The following ELOVL2 variants were observed in gnomAD, a reference collection of about 807,000 sequenced individuals.
ELOVL2 encodes ELOVL fatty acid elongase 2, also known as very long chain fatty acid elongase 2.
A neutral mutation model predicts 37.7 loss-of-function variants in ELOVL2; 38 were observed. The observed-to-expected ratio is 1.01, with a 90% CI of 0.78 to 1.32. ELOVL2 has a LOEUF of 1.32. ELOVL2 is among the 40% of genes most tolerant of loss of function. ELOVL2 has a pLI of 0.00. For missense variants in ELOVL2, 352 were observed against 363.6 expected (o/e 0.97, Z 0.26); for synonymous variants, 115 against 122.3 (o/e 0.94, Z 0.40).
chr6:10,994,038 C>T (rs1270661611), intron 5 of ELOVL2, among the ~76,000 whole-genome samples: 3 of 148,452 alleles, frequency 2.0e-5, no homozygotes, highest in Non-Finnish European at 4.5e-5. Flanking sequence ...AATAGCTGGG[C>T]ATGGTGGTAT....
intron 5 of ELOVL2, among the ~76,000 whole-genome samples, chr6:10,994,462 C>CCAT (rs1782226720): frequency 8.8e-6 from 1 of 113,942 alleles, no homozygotes; most frequent in African/African-American, 3.4e-5. Context: ...GAGTGAAATT[C>CCAT]CATCTCAAAA....
intron 1 of ELOVL2, among the ~76,000 whole-genome samples, chr6:11,013,436 G>A (rs1441840094): frequency 6.6e-6 from 1 of 152,208 alleles, no homozygotes; most frequent in African/African-American, 2.4e-5. Context: ...CACTAGACTA[G>A]ATTCTGTATG....
At chr6:11,018,238 T>C (rs531743190) in intron 1 of ELOVL2, among the ~76,000 whole-genome samples, 1 of 152,322 alleles carries the variant, frequency 6.6e-6, no homozygotes, top group East Asian at 1.9e-4. Context: ...GTGATCTTAT[T>C]TTTTTCTATA....
chr6:11,035,291 T>C (rs1483019265), intron 1 of ELOVL2, among the ~76,000 whole-genome samples: 2 of 152,210 alleles, frequency 1.3e-5, no homozygotes, highest in Non-Finnish European at 2.9e-5. Context: ...TTTGGACCCC[T>C]AGAGCGTAAG....
rs1398059391 is a variant in ELOVL2 at position 10,984,413 on chromosome 6, GGTTA to G, written c.766-511_766-508del. ...TTAGGGAACATGTGCACAATGTGCA[GGTTA>G]GTTACATATGTATACATGTGCCATG... On this transcript the variant is annotated intron_variant, in intron 7 of 7. Transcript: ENST00000354666. Among the ~76,000 whole-genome samples, 9 of 151,862 alleles carry G rather than the reference GGTTA, an allele frequency of 5.9e-5. No individual in the cohort carries two copies. The South Asian group carries it at 6.2e-4, about 11-fold the overall frequency.
intron 3 of ELOVL2, among the ~76,000 whole-genome samples, chr6:11,000,965 T>C (rs1782369170): frequency 6.6e-6 from 1 of 152,180 alleles, no homozygotes; most frequent in Non-Finnish European, 1.5e-5. Context: ...TTGTTGAAAA[T>C]GCTATGAAAG....
At chr6:11,033,757 A>C (rs1385337417) in intron 1 of ELOVL2, among the ~76,000 whole-genome samples, 2 of 152,178 alleles carry the variant, frequency 1.3e-5, no homozygotes, top group South Asian at 2.1e-4. Context: ...CACTTTTTTT[A>C]TCCTCCCCAG....
rs1581852856 is a variant in ELOVL2 at position 10,980,956 on chromosome 6, T to C, written c.*2825A>G. 6.6e-6 allele frequency: 1 copy of C among 152,566 alleles called. No individual in the cohort carries two copies. 9.5% of individuals were successfully genotyped at this position (152,566 alleles called of 1,614,324 possible). On this transcript the variant is annotated 3_prime_UTR_variant, in exon 8 of 8. Coordinates refer to ENST00000354666, the MANE Select transcript of ELOVL2 (RefSeq NM_017770.4). The stretch of plus-strand genomic sequence containing the variant: ...CCCCCAGACACATTTATGAACGATA[T>C]GGAAATATTGGAAAGAACTCAAATG...
intron 1 of ELOVL2, among the ~76,000 whole-genome samples, chr6:11,018,646 T>A (rs1782719405): frequency 6.6e-6 from 1 of 152,210 alleles, no homozygotes; most frequent in Non-Finnish European, 1.5e-5. Flanking sequence ...TCCCAGGTGA[T>A]ACTGAAGCTG....
intron 1 of ELOVL2, among the ~76,000 whole-genome samples, chr6:11,025,718 AT>A (rs199980231): frequency 0.016 from 2,486 of 152,294 alleles, 62 homozygotes; most frequent in African/African-American, 0.056. Context: ...TCCCTTGTCT[AT>A]TAGATACTAC....
At chr6:11,036,721 A>G (rs1285738014) in intron 1 of ELOVL2, among the ~76,000 whole-genome samples, 1 of 147,486 alleles carries the variant, frequency 6.8e-6, no homozygotes, top group Non-Finnish European at 1.5e-5. Flanking sequence ...CTAGAATGGG[A>G]GCAGAAAGGA....
At chr6:11,002,770 T>C (rs1182888645) in intron 3 of ELOVL2, among the ~76,000 whole-genome samples, 1 of 152,224 alleles carries the variant, frequency 6.6e-6, no homozygotes, top group Non-Finnish European at 1.5e-5. Flanking sequence ...TTTTCACATT[T>C]ACCAACTCCT....
At chr6:10,984,057 A>C in intron 7 of ELOVL2, 151 bp from the exon 8 acceptor site, 5 of 735,666 alleles carry the variant, frequency 6.8e-6, no homozygotes, top group Middle Eastern at 4.2e-4. Flanking sequence ...TCAATCTGTC[A>C]CCCAGGCTGG....
At chr6:11,014,962 CAG>C (rs1484386378) in intron 1 of ELOVL2, among the ~76,000 whole-genome samples, 2 of 152,128 alleles carry the variant, frequency 1.3e-5, no homozygotes, top group Admixed American at 6.5e-5. Context: ...TGCTAAAAAG[CAG>C]AAACTCCCAA....
Position 11,005,469 on chromosome 6 carries a change from T to C in ELOVL2, c.158A>G (p.Asn53Ser). ...AGCAGGTCTGTTCTTCATATACTTG[T>C]TACCCAGCCATATTGAGAGCAGATA... Reference protein sequence around the residue: ...VMYLLSIWLGNKYMKNRPALS... With the variant: ...VMYLLSIWLGSKYMKNRPALS... The change falls in exon 3 of 8, where the codon AAC (asparagine) becomes AGC (serine). Residue 53 changes from asparagine to serine, a missense_variant. Transcript: ENST00000354666. 6.2e-7 allele frequency: 1 copy of C among 1,614,136 alleles called. No individual in the cohort carries two copies. Among genetic ancestry groups the C allele is most frequent in the Non-Finnish European group, 8.5e-7 (1 of 1,179,992 alleles).
At chr6:11,011,369 A>T (rs1164785376) in intron 1 of ELOVL2, among the ~76,000 whole-genome samples, 1 of 151,934 alleles carries the variant, frequency 6.6e-6, no homozygotes, top group South Asian at 2.1e-4. Flanking sequence ...CTGTCTCAAA[A>T]AAAAAAAAGA....
At chr6:11,005,605 T>G in intron 2 of ELOVL2, 46 bp from the exon 3 acceptor site, 1 of 1,510,164 alleles carries the variant, frequency 6.6e-7, no homozygotes, top group Non-Finnish European at 9.1e-7. Context: ...ATGATGCTCC[T>G]GTTTAGTCAT....
At chr6:11,027,052 T>C (rs1235418634) in intron 1 of ELOVL2, among the ~76,000 whole-genome samples, 2 of 152,136 alleles carry the variant, frequency 1.3e-5, no homozygotes, top group Non-Finnish European at 2.9e-5. Context: ...TTGAACCTCC[T>C]GTCTAATGGA....
rs568132271 is a variant in ELOVL2, at chr6:11,012,055, C to T, written c.4-1246G>A. The stretch of plus-strand genomic sequence containing the variant: ...TTTGCTGGCATCTGAAAAAGAGGAG[C>T]GGCATGTTTGCTGCCTGGCACATAT... On this transcript the variant is annotated intron_variant, in intron 1 of 7. Transcript: ENST00000354666. 3.9e-5 allele frequency among the ~76,000 whole-genome samples: 6 copies of T among 152,250 alleles called. No individual in the cohort carries two copies. The East Asian group carries it at 5.8e-4, about 15-fold the overall frequency.
Sources: gnomAD v4.1 joint callset for allele counts (sites outside exome capture counted in the v4.1 genomes callset) on GRCh38, gnomAD v4.1.1 for gene constraint, MANE v1.5 for transcripts, NCBI Gene and HGNC (gene_info 2026-07-23, HGNC 2026-07-21) for gene names.